Variants in STYK1 observed in about 807,000 individuals in gnomAD.
The protein encoded by STYK1 is tyrosine-protein kinase STYK1.
STYK1 carries 46 observed loss-of-function variants against 48.1 expected under a neutral mutation model. The observed-to-expected ratio is 0.96, with a 90% CI of 0.75 to 1.22. STYK1 has a LOEUF of 1.22. Among genes scored for constraint, STYK1 ranks in the 50% most tolerant of loss-of-function variants. The pLI is 0.00. For synonymous variants in STYK1, 188 were observed against 189.0 expected, an observed-to-expected ratio of 0.99 and a Z score of 0.04; for missense variants, 527 against 521.1, an observed-to-expected ratio of 1.01 and a Z score of -0.11.
chr12:10,669,321 G>C (rs1383648533), intron 1 of STYK1, among the ~76,000 whole-genome samples: 1 of 152,098 alleles, frequency 6.6e-6, no homozygotes, highest in Non-Finnish European at 1.5e-5. Flanking sequence ...GTTTCTGTTC[G>C]ATAGGGACAC....
In STYK1 at chr12:10,627,605, C is replaced by T. The variant is rs769543895; in HGVS notation, c.717+36G>A. ...ATCAAAAACAAGGCTAACAAGGAAACGTCACACCATCAGTTGTCATGTTGC... is the reference window on the plus strand; with the variant it reads ...ATCAAAAACAAGGCTAACAAGGAAATGTCACACCATCAGTTGTCATGTTGC... On this transcript the variant is annotated intron_variant, in intron 7 of 10. Transcript: ENST00000075503. 27 of 1,567,068 alleles carry T rather than the reference C, an allele frequency of 1.7e-5. No individual in the cohort carries two copies. In the Middle Eastern group the frequency reaches 6.8e-4, roughly 39 times the overall value.
intron 1 of STYK1, among the ~76,000 whole-genome samples, chr12:10,649,988 C>G (rs1947643394): frequency 6.6e-6 from 1 of 151,684 alleles, no homozygotes; most frequent in East Asian, 1.9e-4. Flanking sequence ...GTGGCGGGCC[C>G]CTGTAGTCCC....
At chr12:10,632,879 A>G (rs1947445055) in intron 4 of STYK1, among the ~76,000 whole-genome samples, 1 of 152,152 alleles carries the variant, frequency 6.6e-6, no homozygotes, top group South Asian at 2.1e-4. Flanking sequence ...GACTGAAAAC[A>G]CAGAAGACAG....
chr12:10,635,729 T>A (rs1947479029), intron 2 of STYK1, among the ~76,000 whole-genome samples: 1 of 152,238 alleles, frequency 6.6e-6, no homozygotes, highest in South Asian at 2.1e-4. Context: ...TTCTTGTTTG[T>A]CTGGCAAGGG....
intron 1 of STYK1, among the ~76,000 whole-genome samples, chr12:10,638,726 T>A (rs1306896155): frequency 6.6e-6 from 1 of 152,204 alleles, no homozygotes; most frequent in Non-Finnish European, 1.5e-5. Context: ...AAACTTTTCT[T>A]ACCAAAATAT....
intron 4 of STYK1, 141 bp from the exon 5 acceptor site, chr12:10,631,449 T>C (rs1947428676): frequency 9.6e-7 from 1 of 1,046,670 alleles, no homozygotes; most frequent in Non-Finnish European, 1.4e-6. Context: ...TGCTTCTCTA[T>C]AAACCAGCAT....
chr12:10,661,038 C>T (rs1250941632), intron 1 of STYK1, among the ~76,000 whole-genome samples: 3 of 152,120 alleles, frequency 2.0e-5, no homozygotes, highest in Non-Finnish European at 4.4e-5. Context: ...TGAGTGAAGT[C>T]CAAGAACCTT....
chr12:10,625,148 G>A (rs1947341252), intron 7 of STYK1, among the ~76,000 whole-genome samples: 2 of 152,124 alleles, frequency 1.3e-5, no homozygotes, highest in South Asian at 2.1e-4. Flanking sequence ...TTCGTTTCCC[G>A]TGAGAAAGGA....
In STYK1 at chr12:10,620,172, C is replaced by G. The variant is rs1865883120; in HGVS notation, c.1241G>C (p.Ser414Thr). ...AAGCATGCTATAGTTGTAGAAGAGG[C>G]TCTCCACTCTGATGCCGGCCACAGC... Reference protein sequence around the residue: ...YAAVAGIRVESLFYNYSML With the variant: ...YAAVAGIRVETLFYNYSML Residue 414 changes from serine to threonine, a missense_variant, in exon 11 of 11, where the codon AGC (serine) becomes ACC (threonine). Transcript: ENST00000075503. The G allele has an allele frequency of 6.2e-7, 1 of 1,614,214 alleles. No homozygotes were observed. The highest frequency in any genetic ancestry group is 1.1e-5 in the South Asian group (1 of 91,082).
chr12:10,647,889 C>T (rs1435152351), intron 1 of STYK1, among the ~76,000 whole-genome samples: 1 of 152,182 alleles, frequency 6.6e-6, no homozygotes, highest in East Asian at 1.9e-4. Context: ...ATGTGACTTG[C>T]TCTGCCTTGT....
At chr12:10,663,059 A>G (rs571024769) in intron 1 of STYK1, among the ~76,000 whole-genome samples, 3 of 152,340 alleles carry the variant, frequency 2.0e-5, no homozygotes, top group African/African-American at 7.2e-5. Flanking sequence ...TTGTCCCAGC[A>G]TAATTTGTTA....
chr12:10,661,931 A>C (rs534989572), intron 1 of STYK1, among the ~76,000 whole-genome samples: 2 of 152,356 alleles, frequency 1.3e-5, no homozygotes, highest in East Asian at 3.9e-4. Flanking sequence ...TATAGTCACA[A>C]AAGTATGCAA....
chr12:10,673,259 C>G (rs948386256), intron 1 of STYK1, among the ~76,000 whole-genome samples: 1 of 152,090 alleles, frequency 6.6e-6, no homozygotes, highest in Non-Finnish European at 1.5e-5. Context: ...AGCCTGTAAT[C>G]CCAGCTACTT....
At chr12:10,670,187 T>G (rs533718408) in intron 1 of STYK1, among the ~76,000 whole-genome samples, 3 of 152,316 alleles carry the variant, frequency 2.0e-5, no homozygotes, top group Admixed American at 2.0e-4. Context: ...ATTATCTTAC[T>G]TTTATTCTGA....
intron 6 of STYK1, among the ~76,000 whole-genome samples, chr12:10,628,291 G>A (rs2120623923): frequency 6.6e-6 from 1 of 152,336 alleles, no homozygotes; most frequent in East Asian, 1.9e-4. Context: ...ATGATGGTGG[G>A]CAGAAGAGAG....
chr12:10,634,578 T>G lies in STYK1; in HGVS notation c.41A>C (p.Asp14Ala). The G allele has an allele frequency of 1.2e-6, 2 of 1,614,170 alleles. No homozygotes were observed. The highest frequency in any genetic ancestry group is 1.7e-6 in the Non-Finnish European group (2 of 1,180,014). ...GAATCCGTACTTACCACACAACTTG[T>G]CACTGAGACTGCATTCCAGGAGCAT... Reference protein sequence around the residue: ...TRMLLECSLSDKLCVIQEKQY... With the variant: ...TRMLLECSLSAKLCVIQEKQY... Residue 14 changes from aspartate to alanine, a missense_variant, in exon 3 of 11, where the codon GAC becomes GCC. Coordinates refer to ENST00000075503, the MANE Select transcript of STYK1 (RefSeq NM_018423.3).
chr12:10,659,490 GCTC>G (rs1350103779), intron 1 of STYK1, among the ~76,000 whole-genome samples: 1 of 152,144 alleles, frequency 6.6e-6, no homozygotes, highest in Non-Finnish European at 1.5e-5. Context: ...GTCAATAAAA[GCTC>G]CTTAGGAAAA....
intron 1 of STYK1, among the ~76,000 whole-genome samples, chr12:10,663,402 G>T (rs983897683): frequency 3.3e-5 from 5 of 151,754 alleles, no homozygotes; most frequent in African/African-American, 1.2e-4. Context: ...CATGAGGTCG[G>T]GAGATCGAGA....
chr12:10,620,447 C>G lies in STYK1; in HGVS notation c.1065-99G>C, dbSNP rs573128376. ...AACTTTAACAAACAACTCTGCAATT[C>G]TTTAATTGTCTTCTGTTTGCCCTGT... On this transcript the variant is annotated intron_variant, in intron 10 of 10. Coordinates refer to ENST00000075503, the MANE Select transcript of STYK1 (RefSeq NM_018423.3). 6.1e-4 allele frequency: 648 copies of G among 1,064,278 alleles called. 4 individuals are homozygous for G. The African/African-American group carries it at 9.5e-3, about 16-fold the overall frequency. The allele number at this position is 1,064,278 out of a possible 1,614,324, so 65.9% of individuals were successfully genotyped here. A position where few individuals can be genotyped will look rare whatever the true frequency, so the allele number is the denominator to read the frequency against.
Sources: allele counts gnomAD v4.1 joint callset (sites outside exome capture counted in the v4.1 genomes callset), GRCh38; gene constraint gnomAD v4.1.1; transcripts MANE v1.5; gene names NCBI Gene and HGNC (gene_info 2026-07-23, HGNC 2026-07-21).